The following IGF2R variants were observed in gnomAD, a reference collection of about 807,000 sequenced individuals.
IGF2R encodes the protein insulin like growth factor 2 receptor, also known as cation-independent mannose-6-phosphate receptor.
IGF2R carries 91 observed loss-of-function variants against 270.6 expected under a neutral mutation model. That is an observed-to-expected ratio of 0.34 (90% CI 0.28 to 0.40). The LOEUF is 0.40. IGF2R is among the 10% of genes least tolerant of loss of function. The pLI, the probability that IGF2R is intolerant of heterozygous loss-of-function variation, is 1.00. For missense variants in IGF2R, 2,805 were observed against 3,188.3 expected, an observed-to-expected ratio of 0.88 and a Z score of 2.90; for synonymous variants, 1,316 against 1,258.9, an observed-to-expected ratio of 1.05 and a Z score of -0.96.
In IGF2R at chr6:160,084,173, C is replaced by T. The variant is rs569095122; in HGVS notation, c.6057C>T (p.His2019=). The T allele has an allele frequency of 2.1e-5, 33 of 1,609,724 alleles. No homozygotes were observed. The highest frequency in any genetic ancestry group is 2.7e-5 in the Non-Finnish European group (32 of 1,175,980). The change falls in exon 40 of 48, where the codon CAC becomes CAT. Residue 2019 remains histidine (H), a synonymous_variant. Transcript: ENST00000356956. This position sits in a 1 kb window ranked among gnomAD's most constrained non-coding sequence, Gnocchi z 4.6. ...TCACCGGGTCCTGGTCCCTCGTCCACAACGGAGTCTCGTGAGTGCCTTCCC... is the reference window on the plus strand; with the variant it reads ...TCACCGGGTCCTGGTCCCTCGTCCATAACGGAGTCTCGTGAGTGCCTTCCC... ...SSLTGSWSLV[H]NGVSYYINLC... is the part of the protein sequence containing the mutation.
chr6:160,060,486 T>C (rs1345276448), intron 22 of IGF2R, 61 bp from the exon 23 acceptor site: 3 of 1,553,226 alleles, frequency 1.9e-6, no homozygotes, highest in East Asian at 2.2e-5. Flanking sequence ...TGCACTGTGC[T>C]TGTGGGCTGC....
intron 1 of IGF2R, among the ~76,000 whole-genome samples, chr6:159,981,167 G>A (rs1783793123): frequency 2.0e-5 from 3 of 152,248 alleles, no homozygotes; most frequent in Admixed American, 2.0e-4. Flanking sequence ...GGACTCACCT[G>A]TCTCTGTTGT....
chr6:160,064,002 T>C (rs1353968978), intron 27 of IGF2R, among the ~76,000 whole-genome samples: 1 of 152,210 alleles, frequency 6.6e-6, no homozygotes, highest in Non-Finnish European at 1.5e-5. Flanking sequence ...CTGTAGAAAT[T>C]ACAGGGCACG....
rs774882840 is a variant in IGF2R, at chr6:160,027,228, C to A, written c.690C>A (p.Pro230=). Residue 230 remains proline, a synonymous_variant, in exon 6 of 48, where the codon CCC becomes CCA. Transcript: ENST00000356956. ...DPGSQLRACP[P]GTAACLVRGH... is the part of the protein sequence containing the mutation. The stretch of plus-strand genomic sequence containing the variant: ...GTTCACAGCTGCGGGCCTGTCCCCC[C>A]GGCACTGCCGCCTGCCTGGTAAGAG... The A allele has an allele frequency of 6.2e-7, 1 of 1,614,132 alleles. No homozygotes were observed. The highest frequency in any genetic ancestry group is 1.3e-5 in the African/African-American group (1 of 74,950).
rs368029204 is a variant in IGF2R, at chr6:160,080,294, C to T, written c.5833+19C>T. On this transcript the variant is annotated intron_variant, in intron 39 of 47. Coordinates refer to ENST00000356956, the MANE Select transcript of IGF2R (RefSeq NM_000876.4). The stretch of plus-strand genomic sequence containing the variant: ...AGACACTGTGAGTAGGACGGCTCCG[C>T]GTCCCCACATGGCCTGGGGCCTTGA... 6.2e-5 allele frequency: 99 copies of T among 1,609,708 alleles called. No individual in the cohort carries two copies. The highest frequency in any genetic ancestry group is 2.9e-4 in the African/African-American group (22 of 74,984).
Position 160,090,084 on chromosome 6 carries a change from G to C in IGF2R, c.6636G>C (p.Lys2212Asn). 6.4e-7 allele frequency: 1 copy of C among 1,554,734 alleles called. No individual in the cohort carries two copies. The highest frequency in any genetic ancestry group is 8.7e-7 in the Non-Finnish European group (1 of 1,149,602). Residue 2212 changes from lysine (K) to asparagine (N), a missense_variant, in exon 44 of 48, where the codon AAG (lysine) becomes AAC (asparagine). This residue lies in a region of IGF2R where 1,851 missense variants were observed against 2,207.2 expected (regional missense o/e 0.84). Transcript: ENST00000356956. Reference protein sequence around the residue: ...HFSRKVGTSDKTKYYLQDGDL... With the variant: ...HFSRKVGTSDNTKYYLQDGDL... ...GTCGGAAAGTTGGAACCTCTGACAA[G>C]ACCAAGTACTACCTTCAAGGTAATC...
chr6:160,103,805 A>G lies in IGF2R; in HGVS notation c.7055A>G (p.Lys2352Arg), dbSNP rs150217795. 1.7e-5 allele frequency: 27 copies of G among 1,608,990 alleles called. No individual in the cohort carries two copies. The highest frequency in any genetic ancestry group is 1.7e-4 in the Middle Eastern group (1 of 6,050). ...CCRRSSNVSYKYSKVNKEEET... is the reference protein window; with the variant it reads ...CCRRSSNVSYRYSKVNKEEET... ...AGGAGAAGTTCCAACGTGTCCTACA[A>G]ATACTCAAAGGTAATTTTCTGTGGC... Residue 2352 changes from lysine (K) to arginine (R), a missense_variant, in exon 47 of 48, where the codon AAA becomes AGA. Coordinates refer to ENST00000356956, the MANE Select transcript of IGF2R (RefSeq NM_000876.4).
chr6:160,013,890 T>C (rs1164087264), intron 4 of IGF2R, among the ~76,000 whole-genome samples: 1 of 152,228 alleles, frequency 6.6e-6, no homozygotes, highest in East Asian at 1.9e-4. Context: ...AGGCTTGGTA[T>C]GATAAGTTTA....
At chr6:160,044,448 A>C in intron 12 of IGF2R, 66 bp from the exon 13 acceptor site, 1 of 1,222,744 alleles carries the variant, frequency 8.2e-7, no homozygotes, top group East Asian at 2.4e-5. Flanking sequence ...TTTTTAAGTC[A>C]CTTCTTTGTC....
intron 4 of IGF2R, among the ~76,000 whole-genome samples, chr6:160,024,045 G>C (rs1484131103): frequency 6.6e-6 from 1 of 152,190 alleles, no homozygotes; most frequent in African/African-American, 2.4e-5. Flanking sequence ...CCATGTAACG[G>C]GAAGGCTAGG....
intron 35 of IGF2R, 137 bp downstream of exon 35, chr6:160,074,112 C>T (rs1778806312): frequency 1.6e-6 from 1 of 640,410 alleles, no homozygotes; most frequent in Non-Finnish European, 2.7e-6. Flanking sequence ...TGTGTATGTT[C>T]TGGGTCCGCT....
intron 35 of IGF2R, among the ~76,000 whole-genome samples, chr6:160,075,213 GT>G (rs765139200): frequency 6.6e-6 from 1 of 151,876 alleles, no homozygotes; most frequent in Non-Finnish European, 1.5e-5. Context: ...AGAGTTTTTT[GT>G]TTTTTTTCTC....
chr6:159,990,529 T>A (rs1314839202), intron 1 of IGF2R, among the ~76,000 whole-genome samples: 1 of 152,254 alleles, frequency 6.6e-6, no homozygotes, highest in Non-Finnish European at 1.5e-5. Context: ...ACCTCTTTCC[T>A]TTATAAATTA....
chr6:159,970,099 G>A (rs897831025), intron 1 of IGF2R, among the ~76,000 whole-genome samples: 4 of 152,150 alleles, frequency 2.6e-5, no homozygotes, highest in South Asian at 4.1e-4. Context: ...TCTCCGGGGC[G>A]GATTATTCTA....
chr6:160,073,430 C>T lies in IGF2R; in HGVS notation c.4908C>T (p.Leu1636=). Reference sequence around the variant, plus strand: ...CCCTGGACAAGCAGACATGCACTCTCTTCTTCTCCTGGCACACGCCGCTGG... The same window carrying T: ...CCCTGGACAAGCAGACATGCACTCTTTTCTTCTCCTGGCACACGCCGCTGG... ...LISLDKQTCT[L]FFSWHTPLAC... is the part of the protein sequence containing the mutation. Residue 1636 remains leucine (L), a synonymous_variant, in exon 34 of 48, where the codon CTC becomes CTT. Coordinates refer to ENST00000356956, the MANE Select transcript of IGF2R (RefSeq NM_000876.4). The T allele has an allele frequency of 6.2e-7, 1 of 1,614,274 alleles. No homozygotes were observed.
intron 13 of IGF2R, 40 bp downstream of exon 13, chr6:160,044,697 G>C (rs1778030087): frequency 1.3e-6 from 2 of 1,543,398 alleles, no homozygotes; most frequent in Non-Finnish European, 1.8e-6. Context: ...TCTGGCTTCT[G>C]CCAGAGGTCC....
chr6:160,097,481 C>T (rs1779390089), intron 45 of IGF2R, among the ~76,000 whole-genome samples: 1 of 152,192 alleles, frequency 6.6e-6, no homozygotes, highest in Admixed American at 6.5e-5. Context: ...AGGCATGTGT[C>T]ATTATGCCCT....
At chr6:160,046,068 A>G (rs1192736061) in intron 14 of IGF2R, among the ~76,000 whole-genome samples, 186 bp downstream of exon 14, 2 of 152,228 alleles carry the variant, frequency 1.3e-5, no homozygotes, top group East Asian at 3.8e-4. Context: ...TCTTAAATTC[A>G]TTATTGAGGT....
At chr6:160,027,437 C>A in intron 6 of IGF2R, 123 bp downstream of exon 6, 1 of 1,064,386 alleles carries the variant, frequency 9.4e-7, no homozygotes, top group East Asian at 2.6e-5. Flanking sequence ...ATTGCTGCTT[C>A]ACATGTACTT....
Sources: allele counts gnomAD v4.1 joint callset (sites outside exome capture counted in the v4.1 genomes callset), GRCh38; gene constraint gnomAD v4.1.1; regional missense constraint gnomAD v4.1.1; non-coding constraint Gnocchi (gnomAD v3.1); transcripts MANE v1.5; gene names NCBI Gene and HGNC (gene_info 2026-07-23, HGNC 2026-07-21).